RNF41: variants seen among roughly 807,000 people sequenced by gnomAD.
RNF41 encodes the protein E3 ubiquitin-protein ligase NRDP1.
In RNF41, 4 loss-of-function variants were observed where a neutral mutation model predicts 33.0. That is an observed-to-expected ratio of 0.12 (90% confidence interval 0.06 to 0.28). The LOEUF is 0.28. Ranked by LOEUF, RNF41 falls within the 10% of genes least tolerant of loss-of-function variation. The probability of loss-of-function intolerance (pLI) is 1.00; values close to 1 mark genes in which losing one functional copy is unlikely to be tolerated. For missense variants in RNF41, 228 were observed against 432.6 expected (o/e 0.53, Z 4.19); for synonymous variants, 164 against 153.2 (o/e 1.07, Z -0.52).
In RNF41 at chr12:56,214,566, C is replaced by T. The variant is rs966495231; in HGVS notation, c.-23-496G>A. On this transcript the variant is annotated intron_variant, in intron 2 of 6. Coordinates refer to ENST00000345093, the MANE Select transcript of RNF41 (RefSeq NM_005785.4). ...TTCTAAGGCCTGGCACAGTGGCTCA[C>T]GCCTGTAATCCCAGCACTTTGGGAG... Among the ~76,000 whole-genome samples, 6 of 150,322 alleles carry T rather than the reference C, an allele frequency of 4.0e-5. No homozygotes were observed. The East Asian group carries it at 7.8e-4, about 20-fold the overall frequency.
At chr12:56,208,713 C>T (rs1057367052) in intron 4 of RNF41, among the ~76,000 whole-genome samples, 55 of 150,934 alleles carry the variant, frequency 3.6e-4, no homozygotes, top group African/African-American at 1.0e-3. Flanking sequence ...TACAGGTGCG[C>T]GCCACCATGG....
chr12:56,202,968 C>T lies in RNF41; in HGVS notation c.*3479G>A, dbSNP rs943781395. ...ACTGCTAATGTCACTAGGATACATA[C>T]ATTGCCTCTTATGCTCTATACTGTG... On this transcript the variant is annotated 3_prime_UTR_variant, in exon 7 of 7. Coordinates refer to ENST00000345093, the MANE Select transcript of RNF41 (RefSeq NM_005785.4). 5.3e-5 allele frequency: 8 copies of T among 151,730 alleles called. No individual in the cohort carries two copies. Among genetic ancestry groups the T allele is most frequent in the African/African-American group, 1.9e-4 (8 of 41,358 alleles). 9.4% of individuals were successfully genotyped at this position (151,730 alleles called of 1,614,324 possible).
rs970740086 is a variant in RNF41 at position 56,206,025 on chromosome 12, T to C, written c.*422A>G. On this transcript the variant is annotated 3_prime_UTR_variant, in exon 7 of 7. Transcript: ENST00000345093. This position sits in a 1 kb window ranked among gnomAD's most constrained non-coding sequence, Gnocchi z 5.7. ...CTCCACCCTTACCATTTCTTCAGGA[T>C]GTCTGCTGCTTAGAGTCAACAGGCC... is the stretch of plus-strand genomic sequence containing the variant. The C allele has an allele frequency of 3.0e-5, 5 of 169,320 alleles. No homozygotes were observed. Among genetic ancestry groups the C allele is most frequent in the African/African-American group, 1.2e-4 (5 of 41,788 alleles). 10.5% of individuals were successfully genotyped at this position (169,320 alleles called of 1,614,324 possible). A position where few individuals can be genotyped will look rare whatever the true frequency, so the allele number is the denominator to read the frequency against.
chr12:56,207,528 A>C (rs749275182), intron 6 of RNF41, 118 bp downstream of exon 6: 9 of 841,600 alleles, frequency 1.1e-5, no homozygotes, highest in Admixed American at 5.3e-5. Context: ...AATATCTGAG[A>C]AGCAGTGACC....
At chr12:56,217,483 G>C (rs1868993014) in intron 1 of RNF41, among the ~76,000 whole-genome samples, 1 of 152,034 alleles carries the variant, frequency 6.6e-6, no homozygotes, top group African/African-American at 2.4e-5. Context: ...AGGAGGCGGA[G>C]GTTGCAGTGA....
intron 5 of RNF41, 44 bp downstream of exon 5, chr12:56,208,119 T>C (rs113793548): frequency 3.3e-5 from 53 of 1,611,500 alleles, no homozygotes; most frequent in African/African-American, 2.8e-4. Context: ...CAGGCAGTTA[T>C]CTGCATATGA....
At position 56,207,756 on chromosome 12, in the gene RNF41, T is replaced by C; in HGVS notation, c.499-7A>G. On this transcript the variant is annotated splice_region_variant and splice_polypyrimidine_tract_variant and intron_variant, in intron 5 of 6. Coordinates refer to ENST00000345093, the MANE Select transcript of RNF41 (RefSeq NM_005785.4). ...GCAGCTGGATGTCTCGCTTCTGTTG[T>C]GGGGAAGAAGAACAGGAATAATGGT... 1 of 1,609,642 alleles carries C rather than the reference T, an allele frequency of 6.2e-7. No individual in the cohort carries two copies. Among genetic ancestry groups the C allele is most frequent in the Non-Finnish European group, 8.5e-7 (1 of 1,175,942 alleles).
At chr12:56,215,848 G>A (rs994894491) in intron 2 of RNF41, among the ~76,000 whole-genome samples, 5 of 151,954 alleles carry the variant, frequency 3.3e-5, no homozygotes, top group African/African-American at 4.8e-5. Flanking sequence ...CTGGCTGGGC[G>A]CAGTGGCTCA....
At chr12:56,211,692 G>A (rs891564028) in intron 3 of RNF41, among the ~76,000 whole-genome samples, 1 of 152,164 alleles carries the variant, frequency 6.6e-6, no homozygotes, top group African/African-American at 2.4e-5. Context: ...AGAAAGCTAG[G>A]CCAGGCATGG....
chr12:56,207,779 G>A (rs1868301536), intron 5 of RNF41, 30 bp from the exon 6 acceptor site: 1 of 1,548,606 alleles, frequency 6.5e-7, no homozygotes, highest in Non-Finnish European at 8.9e-7. Context: ...CAGGAATAAT[G>A]GTTAAGGCAG....
intron 3 of RNF41, 108 bp from the exon 4 acceptor site, chr12:56,210,676 G>A (rs1366270510): frequency 8.3e-6 from 9 of 1,085,640 alleles, no homozygotes; most frequent in African/African-American, 6.2e-5. Context: ...CAGCCTCTAC[G>A]ACAAGAGGTC....
At chr12:56,210,225 G>T in intron 4 of RNF41, 72 bp downstream of exon 4, 1 of 1,543,876 alleles carries the variant, frequency 6.5e-7, no homozygotes, top group Non-Finnish European at 8.9e-7. Context: ...AGCTAGTGAG[G>T]AGGGCAGCCA....
At chr12:56,217,277 T>C (rs1179425843) in intron 1 of RNF41, among the ~76,000 whole-genome samples, 2 of 152,170 alleles carry the variant, frequency 1.3e-5, no homozygotes, top group Non-Finnish European at 2.9e-5. Context: ...CAGGTTGCGA[T>C]GGCTCACGCC....
At chr12:56,213,116 GC>G in intron 3 of RNF41, 1 of 1,289,536 alleles carries the variant, frequency 7.8e-7, no homozygotes, top group Non-Finnish European at 1.0e-6. Flanking sequence ...AATGCAGAGT[GC>G]ATGGCTGTAT....
At chr12:56,208,140 C>G (rs772618933) in intron 5 of RNF41, 23 bp downstream of exon 5, 4 of 1,614,012 alleles carry the variant, frequency 2.5e-6, no homozygotes. Context: ...GGGATATGTT[C>G]TCCCCCGTGT....
chr12:56,213,847 G>T, intron 3 of RNF41, 111 bp downstream of exon 3: 1 of 769,394 alleles, frequency 1.3e-6, no homozygotes. Flanking sequence ...TTGGGTGAGG[G>T]TGGAGAGAAG....
At position 56,207,769 on chromosome 12, in the gene RNF41, C is replaced by A. The variant is rs370510527; in HGVS notation, c.499-20G>T. ...TCGCTTCTGTTGTGGGGAAGAAGAA[C>A]AGGAATAATGGTTAAGGCAGACAGC... On this transcript the variant is annotated intron_variant, in intron 5 of 6. Coordinates refer to ENST00000345093, the MANE Select transcript of RNF41 (RefSeq NM_005785.4). The A allele has an allele frequency of 6.3e-7, 1 of 1,584,944 alleles. No homozygotes were observed. Among genetic ancestry groups the A allele is most frequent in the Non-Finnish European group, 8.7e-7 (1 of 1,153,426 alleles).
chr12:56,212,978 C>T lies in RNF41; in HGVS notation c.90+980G>A, dbSNP rs116013211. On this transcript the variant is annotated intron_variant, in intron 3 of 6. Coordinates refer to ENST00000345093, the MANE Select transcript of RNF41 (RefSeq NM_005785.4). ...ATGAATACAACTCTTAAGGATTCAC[C>T]TCACTCATTGTACTTGCCTGGTAAT... 2.1e-3 allele frequency: 2,726 copies of T among 1,288,740 alleles called. 47 individuals carry two copies. In the African/African-American group the frequency reaches 0.038, roughly 18 times the overall value. The allele number at this position is 1,288,740 out of a possible 1,614,324, so 79.8% of individuals were successfully genotyped here.
chr12:56,213,838 T>G, intron 3 of RNF41, 120 bp downstream of exon 3: 2 of 741,322 alleles, frequency 2.7e-6, no homozygotes, highest in Admixed American at 1.9e-5. Context: ...AAATCTCTAT[T>G]GGGTGAGGGT....
Sources: gnomAD v4.1 joint callset for allele counts (sites outside exome capture counted in the v4.1 genomes callset) on GRCh38, gnomAD v4.1.1 for gene constraint, Gnocchi (gnomAD v3.1) non-coding constraint, MANE v1.5 for transcripts, NCBI Gene and HGNC (gene_info 2026-07-23, HGNC 2026-07-21) for gene names.